PBRM1: variants seen among roughly 807,000 people sequenced by gnomAD.
The protein encoded by PBRM1 is polybromo 1.
Under a neutral mutation model 194.5 loss-of-function variants are expected in PBRM1, and 27 were observed. The ratio of observed to expected loss-of-function variants is 0.14; its 90% confidence interval spans 0.10 to 0.19. The LOEUF is 0.19. PBRM1 is among the 10% of genes least tolerant of loss of function. The pLI is 1.00. For missense variants in PBRM1, 1,466 were observed against 2,077.2 expected (o/e 0.71, Z 5.72); for synonymous variants, 655 against 693.2 (o/e 0.94, Z 0.87).
At chr3:52,625,353 T>A (rs1275263734) in intron 13 of PBRM1, among the ~76,000 whole-genome samples, 1 of 152,196 alleles carries the variant, frequency 6.6e-6, no homozygotes, top group Admixed American at 6.5e-5. Flanking sequence ...TATTTCCTTT[T>A]TCATAGTCCA....
At chr3:52,646,122 A>AT (rs2096282589) in intron 7 of PBRM1, among the ~76,000 whole-genome samples, 1 of 152,210 alleles carries the variant, frequency 6.6e-6, no homozygotes, top group African/African-American at 2.4e-5. Flanking sequence ...TTAGTACTGT[A>AT]TATTATTAAA....
At chr3:52,619,154 A>G (rs963783979) in intron 13 of PBRM1, among the ~76,000 whole-genome samples, 5 of 152,190 alleles carry the variant, frequency 3.3e-5, no homozygotes, top group Admixed American at 2.0e-4. Flanking sequence ...TTGGCCTCCC[A>G]AAGTGTTGGG....
chr3:52,642,608 CAAAAAAAAAAA>C, intron 9 of PBRM1, among the ~76,000 whole-genome samples: 1 of 97,526 alleles, frequency 1.0e-5, no homozygotes, highest in South Asian at 4.1e-4. Context: ...AACTTCGTCT[CAAAAAAAAAAA>C]AAAAAAAAAC....
At chr3:52,564,276 G>A (rs755718207) in intron 22 of PBRM1, 43 bp from the exon 25 acceptor site, 34 of 1,370,488 alleles carry the variant, frequency 2.5e-5, no homozygotes, top group African/African-American at 4.3e-5. Flanking sequence ...GTAAACTGTG[G>A]TCATAGTTAC....
rs114944001 is a variant in PBRM1 at position 52,625,014 on chromosome 3, C to A, written c.1541+2259G>T. 9.4e-4 allele frequency: 933 copies of A among 987,636 alleles called. 7 individuals carry two copies. In the African/African-American group the frequency reaches 0.014, roughly 14 times the overall value. The allele number at this position is 987,636 out of a possible 1,614,324, so 61.2% of individuals were successfully genotyped here. A position where few individuals can be genotyped will look rare whatever the true frequency, so the allele number is the denominator to read the frequency against. On this transcript the variant is annotated intron_variant, in intron 13 of 29. Transcript: ENST00000296302. ...CAACATTGGAGGGTCATGTACAAAC[C>A]ATGTATGGTTGAAGAAAAAGATTAT...
At chr3:52,569,273 C>T (rs982921065) in intron 22 of PBRM1, among the ~76,000 whole-genome samples, 8 of 150,744 alleles carry the variant, frequency 5.3e-5, no homozygotes, top group Admixed American at 1.3e-4. Flanking sequence ...TGCAGTGGCG[C>T]GATCTCGGTT....
At chr3:52,667,905 A>AT (rs2096872428) in intron 3 of PBRM1, among the ~76,000 whole-genome samples, 2 of 151,980 alleles carry the variant, frequency 1.3e-5, no homozygotes, top group Non-Finnish European at 2.9e-5. Flanking sequence ...AAAAAAAAAA[A>AT]GAAAAAAAAA....
At chr3:52,596,157 T>G (rs773722476) in intron 17 of PBRM1, among the ~76,000 whole-genome samples, 1 of 152,062 alleles carries the variant, frequency 6.6e-6, no homozygotes, top group Non-Finnish European at 1.5e-5. Flanking sequence ...TGTAGGATTG[T>G]GGCTGGGCGC....
At chr3:52,592,122 G>GTTTTT (rs1168998355) in intron 17 of PBRM1, among the ~76,000 whole-genome samples, 38 of 120,280 alleles carry the variant, frequency 3.2e-4, no homozygotes, top group Admixed American at 6.8e-4. Context: ...ACTGCACCAG[G>GTTTTT]TTTTTTTTTT....
chr3:52,672,125 A>G (rs1448674793), intron 2 of PBRM1, among the ~76,000 whole-genome samples: 3 of 152,234 alleles, frequency 2.0e-5, no homozygotes, highest in Non-Finnish European at 4.4e-5. Flanking sequence ...CGGAGCATCT[A>G]GCGAAAAAGG....
chr3:52,606,143 C>T (rs576861645), intron 16 of PBRM1, among the ~76,000 whole-genome samples: 38 of 152,016 alleles, frequency 2.5e-4, no homozygotes, highest in African/African-American at 8.2e-4. Context: ...GGACTATAGG[C>T]ATATGTCACC....
intron 10 of PBRM1, among the ~76,000 whole-genome samples, chr3:52,640,165 T>C (rs2096013541): frequency 6.6e-6 from 1 of 152,214 alleles, no homozygotes; most frequent in African/African-American, 2.4e-5. Context: ...GTCCATCTTA[T>C]CAAAAGTCAG....
At chr3:52,637,289 CT>C (rs1327812582) in intron 10 of PBRM1, among the ~76,000 whole-genome samples, 12 of 151,998 alleles carry the variant, frequency 7.9e-5, no homozygotes, top group African/African-American at 2.9e-4. Flanking sequence ...ACAGTATTAC[CT>C]TGTTTCTGTT....
chr3:52,658,001 C>A (rs146596669), intron 5 of PBRM1, among the ~76,000 whole-genome samples, 198 bp downstream of exon 6: 89 of 151,790 alleles, frequency 5.9e-4, no homozygotes, highest in African/African-American at 2.0e-3. Flanking sequence ...CCATGTTGAT[C>A]GGGATGGTCT....
At chr3:52,661,036 T>G (rs1452944588) in intron 4 of PBRM1, among the ~76,000 whole-genome samples, 1 of 151,992 alleles carries the variant, frequency 6.6e-6, no homozygotes. Context: ...TGTCTTTCAT[T>G]TTTTTTTGAG....
intron 9 of PBRM1, among the ~76,000 whole-genome samples, chr3:52,642,949 G>A (rs1244841509): frequency 6.6e-6 from 1 of 151,942 alleles, no homozygotes; most frequent in Non-Finnish European, 1.5e-5. Flanking sequence ...ACCACACCCA[G>A]CTAATTTTTG....
intron 5 of PBRM1, among the ~76,000 whole-genome samples, chr3:52,657,185 G>A (rs1229178955): frequency 6.6e-6 from 1 of 152,046 alleles, no homozygotes; most frequent in African/African-American, 2.4e-5. Context: ...ATGGAGTTTT[G>A]GTTTTGTAAG....
exon 20 of PBRM1, chr3:52,586,621 G>A (rs1323522157): frequency 1.2e-6 from 2 of 1,613,538 alleles, no homozygotes; most frequent in East Asian, 2.2e-5. Context: ...GGTTTTGGCA[G>A]AATACCGTGA....
chr3:52,675,415 A>G (rs951073590), intron 2 of PBRM1, among the ~76,000 whole-genome samples: 3 of 152,210 alleles, frequency 2.0e-5, no homozygotes, highest in African/African-American at 7.2e-5. Flanking sequence ...ACTACAAGAA[A>G]ACTACTGATC....
Sources: gnomAD v4.1 joint callset for allele counts (sites outside exome capture counted in the v4.1 genomes callset) on GRCh38, gnomAD v4.1.1 for gene constraint, MANE v1.5 for transcripts, NCBI Gene and HGNC (gene_info 2026-07-23, HGNC 2026-07-21) for gene names.